PTPA: variants seen among roughly 807,000 people sequenced by gnomAD.
The protein encoded by PTPA is protein phosphatase 2 phosphatase activator.
PTPA carries 13 observed loss-of-function variants against 43.6 expected under a neutral mutation model. The ratio of observed to expected loss-of-function variants is 0.30; its 90% CI spans 0.19 to 0.47. PTPA has a LOEUF of 0.47. Among genes scored for constraint, PTPA ranks in the 20% least tolerant of loss-of-function variants. The pLI is 0.99. For synonymous variants in PTPA, 172 were observed against 158.2 expected (o/e 1.09, Z -0.66); for missense variants, 329 against 411.9 (o/e 0.80, Z 1.74).
chr9:129,118,301 C>A lies in PTPA; in HGVS notation c.32-2212C>A, dbSNP rs532721938. On this transcript the variant is annotated intron_variant, in intron 1 of 9. Coordinates refer to ENST00000393370, the MANE Select transcript of PTPA (RefSeq NM_178000.3). Reference sequence around the variant, plus strand: ...ACTCCTGATCTCGTGATCTGCCTGTCTTGGCCTCCCAAAGTGCTGGGATTA... The same window carrying A: ...ACTCCTGATCTCGTGATCTGCCTGTATTGGCCTCCCAAAGTGCTGGGATTA... Among the ~76,000 whole-genome samples the A allele has an allele frequency of 1.1e-4, 16 of 152,174 alleles. 1 individual carries two copies. In the South Asian group the frequency reaches 3.3e-3, roughly 32 times the overall value.
chr9:129,127,319 A>T (rs1360576773), intron 3 of PTPA, among the ~76,000 whole-genome samples: 1 of 152,168 alleles, frequency 6.6e-6, no homozygotes, highest in Admixed American at 6.5e-5. Flanking sequence ...AGGTACATAC[A>T]TAGCTCTTGG....
chr9:129,130,174 T>G (rs1356185517), intron 4 of PTPA, among the ~76,000 whole-genome samples: 1 of 152,184 alleles, frequency 6.6e-6, no homozygotes, highest in Non-Finnish European at 1.5e-5. Flanking sequence ...TCTCAGACCC[T>G]GTCTAGAAAA....
chr9:129,139,798 C>A (rs1425464504), intron 8 of PTPA: 2 of 152,094 alleles, frequency 1.3e-5, no homozygotes, highest in East Asian at 3.9e-4. Flanking sequence ...ACACCGAGAA[C>A]TTGGGAGTGG....
At chr9:129,136,038 G>A (rs765204072) in intron 6 of PTPA, among the ~76,000 whole-genome samples, 2 of 152,088 alleles carry the variant, frequency 1.3e-5, no homozygotes, top group South Asian at 2.1e-4. Context: ...AGAGATCTCG[G>A]CTCACTGCAA....
chr9:129,117,760 C>A (rs192341549), intron 1 of PTPA, among the ~76,000 whole-genome samples: 1 of 147,334 alleles, frequency 6.8e-6, no homozygotes, highest in East Asian at 2.0e-4. Context: ...TGCAGTGGAA[C>A]GGTCCAGCTC....
chr9:129,111,264 C>T, upstream of PTPA: 2 of 1,185,876 alleles, frequency 1.7e-6, no homozygotes, highest in Non-Finnish European at 2.1e-6. Context: ...AGTCGCGGCG[C>T]CCGACGTTCG....
chr9:129,120,565 G>A lies in PTPA; in HGVS notation c.84G>A (p.Lys28=), dbSNP rs1849187976. 6.2e-7 allele frequency: 1 copy of A among 1,602,620 alleles called. No homozygotes were observed. The highest frequency in any genetic ancestry group is 8.5e-7 in the Non-Finnish European group (1 of 1,174,400). ...CTCAGAACTTCATCATTCCAAAAAAGGAGATCCACACAGTTCCAGACATGG... is the reference window on the plus strand; with the variant it reads ...CTCAGAACTTCATCATTCCAAAAAAAGAGATCCACACAGTTCCAGACATGG... ...PATQNFIIPK[K]EIHTVPDMGK... Residue 28 remains lysine, a synonymous_variant, in exon 2 of 10, where the codon AAG becomes AAA. Coordinates refer to ENST00000393370, the MANE Select transcript of PTPA (RefSeq NM_178000.3).
At chr9:129,128,861 TG>T in intron 3 of PTPA, 123 bp from the exon 4 acceptor site, 2 of 1,148,356 alleles carry the variant, frequency 1.7e-6, no homozygotes, top group Non-Finnish European at 2.5e-6. Context: ...GAAAGAGGGA[TG>T]GGGGAGAGTT....
intron 8 of PTPA, chr9:129,138,072 T>C: frequency 6.7e-6 from 2 of 299,478 alleles, no homozygotes; most frequent in Non-Finnish European, 1.3e-5. Flanking sequence ...CCATGTGCTG[T>C]GGATGTGTAA....
intron 9 of PTPA, among the ~76,000 whole-genome samples, chr9:129,145,937 C>G (rs897297746): frequency 2.0e-5 from 3 of 152,120 alleles, no homozygotes; most frequent in Non-Finnish European, 4.4e-5. Context: ...TGCCCTGGAG[C>G]CTTAGGCTTC....
chr9:129,130,485 C>T (rs150786559), intron 4 of PTPA, among the ~76,000 whole-genome samples: 45 of 151,854 alleles, frequency 3.0e-4, no homozygotes, highest in African/African-American at 1.0e-3. Flanking sequence ...CCTTGACCTC[C>T]TGGGCTCAAG....
intron 8 of PTPA, among the ~76,000 whole-genome samples, chr9:129,139,117 G>C (rs556393578): frequency 6.6e-6 from 1 of 152,206 alleles, no homozygotes. Context: ...GGGCTCCCCC[G>C]GCGGCTGGCC....
chr9:129,111,364 C>T, upstream of PTPA: 1 of 1,214,604 alleles, frequency 8.2e-7, no homozygotes, highest in Non-Finnish European at 1.0e-6. Context: ...CCCGGTTCCG[C>T]GCGTCCGCCG....
At chr9:129,129,730 A>G (rs1849830773) in intron 4 of PTPA, among the ~76,000 whole-genome samples, 1 of 152,042 alleles carries the variant, frequency 6.6e-6, no homozygotes, top group African/African-American at 2.4e-5. Flanking sequence ...CGGCCTCCCA[A>G]AGTGCTGGGA....
rs375642860 is a variant in PTPA at position 129,131,706 on chromosome 9, G to T, written c.460+67G>T. 478 of 1,458,190 alleles carry T rather than the reference G, an allele frequency of 3.3e-4. 1 individual carries two copies. In the South Asian group the frequency reaches 4.6e-3, roughly 14 times the overall value. 90.3% of individuals were successfully genotyped at this position (1,458,190 alleles called of 1,614,324 possible). On this transcript the variant is annotated intron_variant, in intron 5 of 9. Transcript: ENST00000393370. ...TGCTTTCTGTTTTGGGCTTCAGGTGGTCTCTGGGCCCTCTGAGCAAGTGAG... is the reference window on the plus strand; with the variant it reads ...TGCTTTCTGTTTTGGGCTTCAGGTGTTCTCTGGGCCCTCTGAGCAAGTGAG...
At chr9:129,122,387 G>A (rs1403396055) in intron 2 of PTPA, among the ~76,000 whole-genome samples, 1 of 152,242 alleles carries the variant, frequency 6.6e-6, no homozygotes, top group Non-Finnish European at 1.5e-5. Context: ...ACAGACTTGA[G>A]CCACAATACC....
chr9:129,141,150 GT>G (rs201033309), intron 8 of PTPA, among the ~76,000 whole-genome samples: 1 of 151,784 alleles, frequency 6.6e-6, no homozygotes, highest in African/African-American at 2.4e-5. Context: ...AAAATGACAG[GT>G]TTTTTTTGAC....
chr9:129,138,584 A>G (rs1266761287), intron 8 of PTPA, among the ~76,000 whole-genome samples: 5 of 152,226 alleles, frequency 3.3e-5, no homozygotes, highest in South Asian at 2.1e-4. Context: ...TGAGAGTTCT[A>G]TCCCTCCTCA....
At chr9:129,125,227 G>T (rs912431082) in intron 3 of PTPA, among the ~76,000 whole-genome samples, 1 of 151,990 alleles carries the variant, frequency 6.6e-6, no homozygotes, top group African/African-American at 2.4e-5. Context: ...ATTGCCCGTG[G>T]CTTTGATGGT....
Sources: allele counts gnomAD v4.1 joint callset (sites outside exome capture counted in the v4.1 genomes callset), GRCh38; gene constraint gnomAD v4.1.1; transcripts MANE v1.5; gene names NCBI Gene and HGNC (gene_info 2026-07-23, HGNC 2026-07-21).